Variants in THSD4 observed in about 807,000 individuals in gnomAD.
THSD4 encodes thrombospondin type 1 domain containing 4.
THSD4 carries 69 observed loss-of-function variants against 119.0 expected under a neutral mutation model. That is an observed-to-expected ratio of 0.58 (90% CI 0.48 to 0.71). The LOEUF is 0.71. Among genes scored for constraint, THSD4 ranks in the 30% least tolerant of loss-of-function variants. THSD4 has a pLI of 0.00. For missense variants in THSD4, 1,393 were observed against 1,391.1 expected, an observed-to-expected ratio of 1.00 and a Z score of -0.02; for synonymous variants, 524 against 540.4, an observed-to-expected ratio of 0.97 and a Z score of 0.42.
chr15:71,490,404 C>T (rs960855100), intron 7 of THSD4, among the ~76,000 whole-genome samples: 12 of 151,956 alleles, frequency 7.9e-5, no homozygotes, highest in Non-Finnish European at 1.3e-4. Context: ...ACTAAAAATA[C>T]GAAAAATTAG....
At chr15:71,662,279 A>C (rs1424320217) in intron 8 of THSD4, among the ~76,000 whole-genome samples, 1 of 151,950 alleles carries the variant, frequency 6.6e-6, no homozygotes, top group Admixed American at 6.6e-5. Flanking sequence ...GGGAGGAGGA[A>C]GGGATGGCAG....
intron 6 of THSD4, among the ~76,000 whole-genome samples, chr15:71,359,931 T>C (rs1032705572): frequency 2.0e-5 from 3 of 152,214 alleles, no homozygotes; most frequent in Non-Finnish European, 4.4e-5. Context: ...TGTCTGCTGC[T>C]TCCTCTGTGT....
chr15:71,461,260 C>A (rs1159473128), intron 7 of THSD4, among the ~76,000 whole-genome samples: 1 of 152,198 alleles, frequency 6.6e-6, no homozygotes, highest in Non-Finnish European at 1.5e-5. Context: ...GCCACATGCA[C>A]CTCTATAGAG....
chr15:71,378,919 G>A (rs2046188149), intron 6 of THSD4, among the ~76,000 whole-genome samples: 3 of 152,130 alleles, frequency 2.0e-5, no homozygotes, highest in Admixed American at 2.0e-4. Flanking sequence ...GAGTAGCTGG[G>A]ACTACAGTTG....
chr15:71,401,191 T>G (rs1321877826), intron 6 of THSD4, among the ~76,000 whole-genome samples: 3 of 152,164 alleles, frequency 2.0e-5, no homozygotes, highest in South Asian at 2.1e-4. Context: ...ATATTTTGCT[T>G]CCCTAGAAGG....
intron 7 of THSD4, among the ~76,000 whole-genome samples, chr15:71,621,944 A>G (rs2050425482): frequency 1.3e-5 from 2 of 152,366 alleles, no homozygotes; most frequent in South Asian, 2.1e-4. Flanking sequence ...CTTTGTAATC[A>G]TGATATATTA....
intron 14 of THSD4, among the ~76,000 whole-genome samples, chr15:71,750,535 T>G (rs950331616): frequency 6.6e-6 from 1 of 152,222 alleles, no homozygotes; most frequent in African/African-American, 2.4e-5. Flanking sequence ...GAGATGGTCC[T>G]GGAGATTCTT....
chr15:71,448,154 T>C (rs1003166490), intron 7 of THSD4, among the ~76,000 whole-genome samples: 38 of 152,174 alleles, frequency 2.5e-4, no homozygotes, highest in Non-Finnish European at 5.6e-4. Flanking sequence ...CTTGAAACAA[T>C]AGCAGCCATT....
intron 10 of THSD4, chr15:71,733,640 T>C (rs11072323): frequency 0.81 from 123,765 of 151,890 alleles, 52,000 homozygotes; most frequent in Middle Eastern, 0.93. Context: ...AGCTGAGAGG[T>C]CTGGTGCAGT....
intron 7 of THSD4, among the ~76,000 whole-genome samples, chr15:71,582,145 A>G (rs1173799255): frequency 6.6e-5 from 10 of 151,670 alleles, no homozygotes; most frequent in Admixed American, 5.3e-4. Context: ...AGATCTTTCT[A>G]TTTATTTGTC....
intron 7 of THSD4, among the ~76,000 whole-genome samples, chr15:71,539,186 C>G (rs2048725516): frequency 6.6e-6 from 1 of 152,200 alleles, no homozygotes; most frequent in Non-Finnish European, 1.5e-5. Flanking sequence ...TTCCTCATTT[C>G]CCACCTCTGT....
intron 6 of THSD4, among the ~76,000 whole-genome samples, chr15:71,381,725 C>T (rs2046231538): frequency 6.6e-6 from 1 of 152,154 alleles, no homozygotes; most frequent in Non-Finnish European, 1.5e-5. Flanking sequence ...TAGCATAGAA[C>T]ATTTTAACAT....
intron 7 of THSD4, among the ~76,000 whole-genome samples, chr15:71,544,920 A>G (rs923592690): frequency 6.6e-6 from 1 of 152,246 alleles, no homozygotes; most frequent in Non-Finnish European, 1.5e-5. Flanking sequence ...CAAATACTGT[A>G]GTGTATGATT....
At chr15:71,133,546 A>T (rs920141220) in intron 1 of THSD4, among the ~76,000 whole-genome samples, 1 of 152,202 alleles carries the variant, frequency 6.6e-6, no homozygotes, top group Non-Finnish European at 1.5e-5. Flanking sequence ...GACGATCCCT[A>T]GTTCTGCATC....
chr15:71,742,915 C>T (rs1487603970), intron 11 of THSD4, among the ~76,000 whole-genome samples: 3 of 152,026 alleles, frequency 2.0e-5, no homozygotes, highest in Non-Finnish European at 4.4e-5. Context: ...ATCAGCCAGG[C>T]GCAGTGGCAG....
At chr15:71,573,105 C>T (rs35316196) in intron 7 of THSD4, among the ~76,000 whole-genome samples, 24,558 of 152,042 alleles carry the variant, frequency 0.16, 2,045 homozygotes, top group African/African-American at 0.18. Flanking sequence ...TACACTGTGG[C>T]ATCTGCAGGA....
chr15:71,152,587 A>C (rs1199537138), intron 2 of THSD4, among the ~76,000 whole-genome samples: 2 of 152,060 alleles, frequency 1.3e-5, no homozygotes, highest in Non-Finnish European at 2.9e-5. Context: ...TCACACTCCT[A>C]GTTCCCTGCC....
chr15:71,193,683 A>C (rs1204614737), intron 3 of THSD4, among the ~76,000 whole-genome samples: 2 of 151,162 alleles, frequency 1.3e-5, no homozygotes, highest in African/African-American at 4.9e-5. Flanking sequence ...ACGGTAGTGA[A>C]TAAGTCTCAT....
At chr15:71,492,993 T>C (rs185229022) in intron 7 of THSD4, among the ~76,000 whole-genome samples, 7 of 152,274 alleles carry the variant, frequency 4.6e-5, no homozygotes, top group Non-Finnish European at 8.8e-5. Flanking sequence ...CCCATCAAAC[T>C]TTCCAAATAA....
Sources: gnomAD v4.1 joint callset for allele counts (sites outside exome capture counted in the v4.1 genomes callset) on GRCh38, gnomAD v4.1.1 for gene constraint, MANE v1.5 for transcripts, NCBI Gene and HGNC (gene_info 2026-07-23, HGNC 2026-07-21) for gene names.